Variants in TRAK1 observed in about 807,000 individuals in gnomAD.
TRAK1 encodes trafficking kinesin-binding protein 1.
Under a neutral mutation model 92.1 loss-of-function variants are expected in TRAK1, and 33 were observed. That is an observed-to-expected ratio of 0.36 (90% confidence interval 0.27 to 0.48). TRAK1 has a LOEUF of 0.48. Among genes scored for constraint, TRAK1 ranks in the 20% least tolerant of loss-of-function variants. The probability of loss-of-function intolerance (pLI) is 0.99; values close to 1 mark genes in which losing one functional copy is unlikely to be tolerated. For synonymous variants in TRAK1, 521 were observed against 517.3 expected, an observed-to-expected ratio of 1.01 and a Z score of -0.10; for missense variants, 1,123 against 1,257.9, an observed-to-expected ratio of 0.89 and a Z score of 1.62.
chr3:42,099,930 G>A (rs776548135), intron 1 of TRAK1, among the ~76,000 whole-genome samples: 7 of 152,086 alleles, frequency 4.6e-5, no homozygotes, highest in Non-Finnish European at 8.8e-5. Context: ...CAGGCTGCCT[G>A]GGATGTGTGG....
At chr3:42,017,547 A>G (rs1307767455) in intron 1 of TRAK1, among the ~76,000 whole-genome samples, 4 of 152,014 alleles carry the variant, frequency 2.6e-5, no homozygotes, top group East Asian at 3.9e-4. Flanking sequence ...GTCTTCTTAG[A>G]TGTATCTAAG....
At chr3:42,187,179 A>T (rs550379030) in intron 4 of TRAK1, among the ~76,000 whole-genome samples, 220 of 152,138 alleles carry the variant, frequency 1.4e-3, no homozygotes, top group Non-Finnish European at 2.6e-3. Context: ...AGCATTGAGC[A>T]CGGAACGAGG....
At chr3:42,217,492 C>T (rs935526487) in intron 14 of TRAK1, 64 of 985,368 alleles carry the variant, frequency 6.5e-5, no homozygotes, top group African/African-American at 5.2e-4. Context: ...GATGCAACTA[C>T]GTCTCTAAAA....
At chr3:42,067,056 T>C (rs1199225216) in intron 1 of TRAK1, among the ~76,000 whole-genome samples, 2 of 152,238 alleles carry the variant, frequency 1.3e-5, no homozygotes, top group Non-Finnish European at 2.9e-5. Flanking sequence ...CAAAAGTGGC[T>C]GATAAAATTT....
In TRAK1 at chr3:42,202,811, G is replaced by A. The variant is rs1707820623; in HGVS notation, c.1744+59G>A. The A allele has an allele frequency of 6.3e-7, 1 of 1,595,668 alleles. No homozygotes were observed. Among genetic ancestry groups the A allele is most frequent in the Admixed American group, 1.7e-5 (1 of 59,014 alleles). ...TCCTGGGGGACTCCCTTTGGTCCCT[G>A]ATCCACCTGCGGAAGGCGGGGCACC... On this transcript the variant is annotated intron_variant, in intron 13 of 15. Coordinates refer to ENST00000327628, the MANE Select transcript of TRAK1 (RefSeq NM_001042646.3). The surrounding 1 kb of genome is among the most constrained non-coding windows in gnomAD (Gnocchi z 6.1).
At chr3:42,103,424 C>T (rs977180898) in intron 1 of TRAK1, among the ~76,000 whole-genome samples, 4 of 152,158 alleles carry the variant, frequency 2.6e-5, no homozygotes, top group African/African-American at 4.8e-5. Context: ...ATCTGCTTGC[C>T]TCAGTCTCCC....
chr3:42,179,364 C>G (rs921449255), intron 3 of TRAK1, among the ~76,000 whole-genome samples: 2 of 152,214 alleles, frequency 1.3e-5, no homozygotes, highest in African/African-American at 4.8e-5. Context: ...ATGCCTGCCA[C>G]AGGCAGGCAA....
In TRAK1 at chr3:42,125,474, A is replaced by G. The variant is rs1359685051; in HGVS notation, c.146A>G (p.Glu49Gly). Residue 49 changes from glutamate to glycine, a missense_variant, in exon 2 of 16, where the codon GAG (glutamate) becomes GGG (glycine). By Grantham distance (98) the Glu-to-Gly change is moderately conservative (BLOSUM62 -2). This residue lies in a region of TRAK1 where 686 missense variants were observed against 747.6 expected (regional missense o/e 0.92). Coordinates refer to ENST00000327628, the MANE Select transcript of TRAK1 (RefSeq NM_001042646.3). The part of the protein sequence containing the change: ...PEVEIISLLE[E>G]QLPHYKLRAD... ...GTCGAGATCATTAGCCTGCTGGAGGAGCAGCTGCCCCATTATAAGTTAAGA... is the reference window on the plus strand; with the variant it reads ...GTCGAGATCATTAGCCTGCTGGAGGGGCAGCTGCCCCATTATAAGTTAAGA... 3 of 1,614,140 alleles carry G rather than the reference A, an allele frequency of 1.9e-6. No individual in the cohort carries two copies. Among genetic ancestry groups the G allele is most frequent in the Non-Finnish European group, 2.5e-6 (3 of 1,180,036 alleles).
chr3:42,018,577 T>G (rs1052143175), intron 1 of TRAK1, among the ~76,000 whole-genome samples: 3 of 152,234 alleles, frequency 2.0e-5, no homozygotes, highest in Non-Finnish European at 4.4e-5. Flanking sequence ...AATCTTTTTT[T>G]TCTTTTAAGA....
chr3:42,203,795 A>T (rs1708002206), intron 13 of TRAK1: 1 of 902,930 alleles, frequency 1.1e-6, no homozygotes, highest in South Asian at 5.1e-5. Flanking sequence ...TACCACATAT[A>T]TATTGTTTAT....
At chr3:42,167,358 G>A (rs767000492) in intron 2 of TRAK1, among the ~76,000 whole-genome samples, 18 of 152,196 alleles carry the variant, frequency 1.2e-4, no homozygotes, top group Non-Finnish European at 1.8e-4. Flanking sequence ...AGCCCAGGTG[G>A]GAAGGGACAT....
chr3:42,101,812 A>G (rs1025229346), intron 1 of TRAK1, among the ~76,000 whole-genome samples: 2 of 152,184 alleles, frequency 1.3e-5, no homozygotes, highest in African/African-American at 4.8e-5. Context: ...CACCAACTTA[A>G]GAGAGAACCA....
Position 42,157,345 on chromosome 3 carries a change from A to G in TRAK1, c.287-19469A>G, listed in dbSNP as rs145417875. ...ATGGTGGCATGTGCCTGTGGTGCCA[A>G]CTACTTAGGAGGCTGAGGCGGGAAG... On this transcript the variant is annotated intron_variant, in intron 2 of 15. Transcript: ENST00000327628. Among the ~76,000 whole-genome samples, 318 of 149,540 alleles carry G rather than the reference A, an allele frequency of 2.1e-3. 2 individuals carry two copies. Among genetic ancestry groups the G allele is most frequent in the African/African-American group, 7.1e-3 (289 of 40,748 alleles).
chr3:42,172,062 C>T (rs542948623), intron 2 of TRAK1, among the ~76,000 whole-genome samples: 1 of 152,240 alleles, frequency 6.6e-6, no homozygotes, highest in African/African-American at 2.4e-5. Context: ...AATTTGGCTT[C>T]GTAATTCCTT....
intron 2 of TRAK1, among the ~76,000 whole-genome samples, chr3:42,127,097 C>A (rs542769184): frequency 1.3e-5 from 2 of 152,276 alleles, no homozygotes; most frequent in African/African-American, 4.8e-5. Context: ...TCTGTACCAC[C>A]AAGGAGATAT....
At chr3:42,042,000 C>G (rs1189844831) in intron 1 of TRAK1, among the ~76,000 whole-genome samples, 3 of 152,180 alleles carry the variant, frequency 2.0e-5, no homozygotes, top group African/African-American at 7.2e-5. Flanking sequence ...CCATGTTGGT[C>G]AGGCTGGTCT....
At chr3:42,038,924 A>G (rs189755612) in intron 1 of TRAK1, among the ~76,000 whole-genome samples, 1 of 135,336 alleles carries the variant, frequency 7.4e-6, no homozygotes, top group Non-Finnish European at 1.5e-5. Context: ...TTGATTTTTT[A>G]AAAATCAGCC....
chr3:42,014,862 A>C (rs1701456388), intron 1 of TRAK1, among the ~76,000 whole-genome samples: 1 of 151,950 alleles, frequency 6.6e-6, no homozygotes, highest in South Asian at 2.1e-4. Context: ...AAAAGTGTAA[A>C]CGTTGTCAAT....
At chr3:42,116,938 C>T (rs558666888) in intron 1 of TRAK1, among the ~76,000 whole-genome samples, 19 of 152,248 alleles carry the variant, frequency 1.2e-4, no homozygotes, top group African/African-American at 4.1e-4. Context: ...CAGAGTGTGG[C>T]GCCAGGATGG....
Sources: allele counts gnomAD v4.1 joint callset (sites outside exome capture counted in the v4.1 genomes callset), GRCh38; gene constraint gnomAD v4.1.1; regional missense constraint gnomAD v4.1.1; non-coding constraint Gnocchi (gnomAD v3.1); transcripts MANE v1.5; gene names NCBI Gene and HGNC (gene_info 2026-07-23, HGNC 2026-07-21).